Variants in CHL1 observed in about 807,000 individuals in gnomAD.
CHL1 encodes cell adhesion molecule L1 like.
CHL1 carries 96 observed loss-of-function variants against 141.9 expected under a neutral mutation model. The observed-to-expected ratio is 0.68, with a 90% CI of 0.57 to 0.80. The LOEUF (loss-of-function observed/expected upper bound fraction) is 0.80, where lower values mean the gene tolerates loss of function less well. Ranked by LOEUF, CHL1 falls within the 30% of genes least tolerant of loss-of-function variation. The pLI, the probability that CHL1 is intolerant of heterozygous loss-of-function variation, is 0.00. For synonymous variants in CHL1, 613 were observed against 502.2 expected (o/e 1.22, Z -2.95); for missense variants, 1,820 against 1,457.2 (o/e 1.25, Z -4.05).
intron 2 of CHL1, among the ~76,000 whole-genome samples, chr3:259,350 G>A (rs538733100): frequency 1.9e-4 from 28 of 150,140 alleles, no homozygotes; most frequent in African/African-American, 7.1e-4. Context: ...TATAGTGGGG[G>A]TGGGGCAGGA....
chr3:219,822 C>T (rs1381870545), intron 1 of CHL1, among the ~76,000 whole-genome samples: 2 of 152,098 alleles, frequency 1.3e-5, no homozygotes, highest in Admixed American at 6.5e-5. Flanking sequence ...GGCACATGTA[C>T]CCCTGAACTT....
intron 11 of CHL1, 131 bp from the exon 12 acceptor site, chr3:360,153 G>C (rs890565447): frequency 1.1e-6 from 1 of 882,556 alleles, no homozygotes; most frequent in Admixed American, 3.0e-5. Context: ...CTAAAGAATT[G>C]GCTTCAATGA....
At chr3:231,148 T>A (rs914892352) in intron 1 of CHL1, among the ~76,000 whole-genome samples, 1 of 152,182 alleles carries the variant, frequency 6.6e-6, no homozygotes, top group Non-Finnish European at 1.5e-5. Context: ...TAACAGGAAT[T>A]TTGTGCAGTA....
At chr3:360,755 C>G (rs1180062763) in intron 12 of CHL1, among the ~76,000 whole-genome samples, 2 of 130,022 alleles carry the variant, frequency 1.5e-5, no homozygotes, top group Non-Finnish European at 3.1e-5. Context: ...CCCCACCCCA[C>G]AACAGTCCCC....
chr3:320,272 T>C (rs900871536), intron 3 of CHL1, among the ~76,000 whole-genome samples: 22 of 152,156 alleles, frequency 1.4e-4, no homozygotes, highest in African/African-American at 5.3e-4. Context: ...TTGTATTCTT[T>C]TTCAAAATGA....
At chr3:333,948 G>T (rs11129454) in intron 5 of CHL1, among the ~76,000 whole-genome samples, 131,087 of 152,146 alleles carry the variant, frequency 0.86, 56,526 homozygotes, top group East Asian at 0.99. Context: ...TAAACAACTT[G>T]TTTGTTTGTT....
intron 23 of CHL1, among the ~76,000 whole-genome samples, chr3:393,452 A>C (rs1708412366): frequency 1.3e-5 from 2 of 152,070 alleles, no homozygotes; most frequent in African/African-American, 4.8e-5. Flanking sequence ...CCACCTTCAT[A>C]TTGATCCGTA....
At chr3:279,814 T>C (rs983314801) in intron 2 of CHL1, among the ~76,000 whole-genome samples, 3 of 152,178 alleles carry the variant, frequency 2.0e-5, no homozygotes, top group Non-Finnish European at 4.4e-5. Flanking sequence ...GATTGGGGAC[T>C]TAAAGGCTGC....
At chr3:379,328 T>C (rs532138360) in intron 16 of CHL1, among the ~76,000 whole-genome samples, 4 of 152,258 alleles carry the variant, frequency 2.6e-5, no homozygotes, top group East Asian at 1.9e-4. Context: ...TATGGACTTG[T>C]AGAGTTGTCG....
At chr3:219,932 T>C (rs1172164767) in intron 1 of CHL1, among the ~76,000 whole-genome samples, 2 of 152,226 alleles carry the variant, frequency 1.3e-5, no homozygotes, top group African/African-American at 4.8e-5. Flanking sequence ...GTCAGGGGAA[T>C]GCACATTGAA....
At chr3:203,167 A>C (rs1294916109) in intron 1 of CHL1, among the ~76,000 whole-genome samples, 1 of 152,262 alleles carries the variant, frequency 6.6e-6, no homozygotes, top group African/African-American at 2.4e-5. Flanking sequence ...CTTTCTAAGA[A>C]GAGGCACCAT....
At chr3:347,807 G>A (rs967603485) in intron 9 of CHL1, among the ~76,000 whole-genome samples, 1 of 152,158 alleles carries the variant, frequency 6.6e-6, no homozygotes, top group African/African-American at 2.4e-5. Context: ...GTCTGCCCAG[G>A]CATCATTACC....
chr3:342,098 T>G lies in CHL1; in HGVS notation c.679+16T>G. 6.3e-7 allele frequency: 1 copy of G among 1,595,446 alleles called. No individual in the cohort carries two copies. The highest frequency in any genetic ancestry group is 8.6e-7 in the Non-Finnish European group (1 of 1,165,874). ...GTTAACAGTTGTAAGTCCACATAAT[T>G]TATCGTTTCATCATGTATGCTGAAT... is the stretch of plus-strand genomic sequence containing the variant. On this transcript the variant is annotated intron_variant, in intron 7 of 27. Transcript: ENST00000256509.
chr3:398,880 T>C (rs549543472), intron 25 of CHL1, 137 bp from the exon 26 acceptor site: 7 of 664,314 alleles, frequency 1.1e-5, no homozygotes, highest in Admixed American at 5.1e-5. Flanking sequence ...GTCCTTCAAA[T>C]TGCATTCCTT....
chr3:394,738 C>A lies in CHL1; in HGVS notation c.2960C>A (p.Thr987Lys). The A allele has an allele frequency of 6.2e-7, 1 of 1,613,564 alleles. No homozygotes were observed. The highest frequency in any genetic ancestry group is 8.5e-7 in the Non-Finnish European group (1 of 1,179,686). Residue 987 changes from threonine to lysine, a missense_variant, in exon 24 of 28, where the codon ACA becomes AAA. Physicochemically the swap from Thr to Lys is moderately conservative, Grantham distance 78. Coordinates refer to ENST00000256509, the MANE Select transcript of CHL1 (RefSeq NM_006614.4). Reference protein sequence around the residue: ...EIGELNDINITTPSKPSWHLS... With the variant: ...EIGELNDINIKTPSKPSWHLS... ...GGAGAATTAAATGATATTAACATTA[C>A]AACTCCATCAAAGCCCAGCTGGCAC...
intron 1 of CHL1, among the ~76,000 whole-genome samples, chr3:235,181 G>A (rs2125060660): frequency 6.6e-6 from 1 of 151,736 alleles, no homozygotes; most frequent in Non-Finnish European, 1.5e-5. Context: ...AAAAATATTT[G>A]TGTCACTAAT....
At chr3:251,178 G>A (rs1574859698) in intron 2 of CHL1, among the ~76,000 whole-genome samples, 1 of 152,032 alleles carries the variant, frequency 6.6e-6, no homozygotes, top group East Asian at 1.9e-4. Flanking sequence ...AGACTAGAAG[G>A]ATCCATTTGA....
At chr3:356,004 A>T (rs1175984105) in intron 11 of CHL1, among the ~76,000 whole-genome samples, 3 of 152,202 alleles carry the variant, frequency 2.0e-5, no homozygotes, top group African/African-American at 7.2e-5. Context: ...CATCATGCAG[A>T]GAATGCTTAG....
At chr3:329,136 C>T (rs1701244695) in intron 5 of CHL1, among the ~76,000 whole-genome samples, 1 of 152,086 alleles carries the variant, frequency 6.6e-6, no homozygotes, top group South Asian at 2.1e-4. Context: ...TCCATGACCA[C>T]CTTTTATATT....
Sources: gnomAD v4.1 joint callset for allele counts (sites outside exome capture counted in the v4.1 genomes callset) on GRCh38, gnomAD v4.1.1 for gene constraint, MANE v1.5 for transcripts, NCBI Gene and HGNC (gene_info 2026-07-23, HGNC 2026-07-21) for gene names.